UBE3A: variants seen among roughly 807,000 people sequenced by gnomAD.
UBE3A encodes the protein ubiquitin-protein ligase E3A.
In UBE3A, 6 loss-of-function variants were observed where a neutral mutation model predicts 83.4. That is an observed-to-expected ratio of 0.07 (90% CI 0.04 to 0.14). UBE3A has a LOEUF of 0.14. UBE3A is among the 10% of genes least tolerant of loss of function. The probability of loss-of-function intolerance (pLI) is 1.00; values close to 1 mark genes in which losing one functional copy is unlikely to be tolerated. For missense variants in UBE3A, 456 were observed against 1,036.1 expected (o/e 0.44, Z 7.69); for synonymous variants, 337 against 355.4 (o/e 0.95, Z 0.58).
chr15:25,379,666 T>C (rs1416843237), intron 4 of UBE3A, among the ~76,000 whole-genome samples: 1 of 152,154 alleles, frequency 6.6e-6, no homozygotes, highest in Non-Finnish European at 1.5e-5. Context: ...GGCCTCTACG[T>C]TGGAAAAGTA....
At chr15:25,343,475 G>GAAAT (rs1376559778) in intron 11 of UBE3A, among the ~76,000 whole-genome samples, 1 of 152,196 alleles carries the variant, frequency 6.6e-6, no homozygotes, top group East Asian at 1.9e-4. Flanking sequence ...GGTAACTTTG[G>GAAAT]AAATAAAGGC....
In UBE3A at chr15:25,370,756, G is replaced by C. The variant is rs762637018; in HGVS notation, c.1418C>G (p.Ser473Cys). The change falls in exon 6 of 13, where the codon TCT becomes TGT. Residue 473 changes from serine to cysteine, a missense_variant. This residue lies in a region of UBE3A where 58 missense variants were observed against 237.1 expected (regional missense o/e 0.24). Transcript: ENST00000648336. This position sits in a 1 kb window ranked among gnomAD's most constrained non-coding sequence, Gnocchi z 4.2. Reference sequence around the variant, plus strand: ...CAATATAAAGGGACATGTCATAAAAGAGAATTTGTTCTCTGTTTCTACTTT... The same window carrying C: ...CAATATAAAGGGACATGTCATAAAACAGAATTTGTTCTCTGTTTCTACTTT... ...FFKVETENKF[S>C]FMTCPFILNA... The C allele has an allele frequency of 1.9e-6, 3 of 1,614,066 alleles. No individual in the cohort carries two copies. Among genetic ancestry groups the C allele is most frequent in the Non-Finnish European group, 2.5e-6 (3 of 1,179,990 alleles).
intron 9 of UBE3A, 148 bp downstream of exon 9, chr15:25,355,744 A>C (rs1023615202): frequency 2.5e-6 from 2 of 805,432 alleles, no homozygotes; most frequent in Non-Finnish European, 3.9e-6. Context: ...TCCAAGATTT[A>C]GAAAAGTGGA....
chr15:25,375,467 T>C lies in UBE3A; in HGVS notation c.359A>G (p.Lys120Arg). 6.2e-7 allele frequency: 1 copy of C among 1,614,004 alleles called. No homozygotes were observed. Among genetic ancestry groups the C allele is most frequent in the Non-Finnish European group, 8.5e-7 (1 of 1,180,016 alleles). Reference sequence around the variant, plus strand: ...CAATTGAAAATAAAACATCTTACCTTTAAAATCAATTCTAGCGCCTTTCTT... The same window carrying C: ...CAATTGAAAATAAAACATCTTACCTCTAAAATCAATTCTAGCGCCTTTCTT... The part of the protein sequence containing the change: ...MNKKGARIDF[K>R]DVTYLTEEKV... The change falls in exon 5 of 13, where the codon AAA becomes AGA. Residue 120 changes from lysine to arginine, a missense_variant and splice_region_variant. This residue lies in a region of UBE3A where 34 missense variants were observed against 79.1 expected (regional missense o/e 0.43). Transcript: ENST00000648336.
chr15:25,356,724 T>C lies in UBE3A; in HGVS notation c.1926A>G (p.Lys642=), dbSNP rs775589140. 8.1e-6 allele frequency: 13 copies of C among 1,613,436 alleles called. No homozygotes were observed. In the South Asian group the frequency reaches 8.8e-5, roughly 11 times the overall value. Residue 642 remains lysine (K), a synonymous_variant, in exon 8 of 13, where the codon AAA becomes AAG. Coordinates refer to ENST00000648336, the MANE Select transcript of UBE3A (RefSeq NM_130839.5). ...MVVYRKLMGK[K]GTFRDLGDSH... ...AGTCTCCCAAGTCACGAAAAGTTCC[T>C]TTTTTCCCCATTAGCTTCCTGTAGA...
intron 4 of UBE3A, among the ~76,000 whole-genome samples, chr15:25,377,976 G>C (rs1326727059): frequency 3.1e-5 from 4 of 130,946 alleles, no homozygotes; most frequent in Non-Finnish European, 6.4e-5. Context: ...ATGTGATTAA[G>C]TGAGTTTTAA....
At chr15:25,422,442 CAA>C (rs1890103118) in intron 1 of UBE3A, among the ~76,000 whole-genome samples, 1 of 151,748 alleles carries the variant, frequency 6.6e-6, no homozygotes, top group Non-Finnish European at 1.5e-5. Flanking sequence ...TGATTTTTTT[CAA>C]AGTTTGTGAG....
At chr15:25,365,477 G>A (rs1256908084) in intron 6 of UBE3A, among the ~76,000 whole-genome samples, 1 of 151,942 alleles carries the variant, frequency 6.6e-6, no homozygotes, top group Non-Finnish European at 1.5e-5. Context: ...GGCCGGGCGT[G>A]GTGGCTCATG....
chr15:25,358,801 G>A (rs886075354), intron 7 of UBE3A, among the ~76,000 whole-genome samples: 5 of 152,096 alleles, frequency 3.3e-5, no homozygotes, highest in Non-Finnish European at 5.9e-5. Context: ...TCATATTTGA[G>A]TTTCATGGTT....
At chr15:25,424,806 A>G (rs1324350035) in intron 1 of UBE3A, among the ~76,000 whole-genome samples, 1 of 152,236 alleles carries the variant, frequency 6.6e-6, no homozygotes, top group Non-Finnish European at 1.5e-5. Context: ...ATAAATTTTT[A>G]AAGTAATAAG....
At chr15:25,372,604 G>T (rs1031673450) in intron 5 of UBE3A, among the ~76,000 whole-genome samples, 1 of 152,170 alleles carries the variant, frequency 6.6e-6, no homozygotes, top group Non-Finnish European at 1.5e-5. Context: ...CCAACTTTTT[G>T]AGATAAGTGT....
intron 11 of UBE3A, among the ~76,000 whole-genome samples, chr15:25,343,181 C>A (rs531324908): frequency 6.6e-6 from 1 of 152,090 alleles, no homozygotes; most frequent in Non-Finnish European, 1.5e-5. Flanking sequence ...AAAGTAACAT[C>A]TGTTATAGAA....
chr15:25,378,197 C>A (rs184621992), intron 4 of UBE3A, among the ~76,000 whole-genome samples: 10 of 152,132 alleles, frequency 6.6e-5, no homozygotes, highest in Admixed American at 3.9e-4. Context: ...TTAATGTGAG[C>A]TTTTATACTA....
intron 1 of UBE3A, among the ~76,000 whole-genome samples, chr15:25,427,797 A>G (rs1335110976): frequency 0.14 from 234 of 1,694 alleles, no homozygotes; most frequent in East Asian, 0.33. Context: ...GTCTCCTGGA[A>G]AAAAAAAAAA....
rs1001721206 is a variant in UBE3A at position 25,337,795 on chromosome 15, T to C, written c.*1342A>G. 9 of 152,150 alleles carry C rather than the reference T, an allele frequency of 5.9e-5. 1 individual carries two copies. Among genetic ancestry groups the C allele is most frequent in the Admixed American group, 5.2e-4 (8 of 15,276 alleles). 9.4% of individuals were successfully genotyped at this position (152,150 alleles called of 1,614,324 possible). On this transcript the variant is annotated 3_prime_UTR_variant, in exon 13 of 13. Transcript: ENST00000648336. ...TAGTTAAAAATACATAATCCTTTTA[T>C]TTTATAATGCAATAAAAGAAATTAA...
intron 6 of UBE3A, among the ~76,000 whole-genome samples, chr15:25,368,296 T>TA (rs1437477851): frequency 6.6e-6 from 1 of 152,138 alleles, no homozygotes; most frequent in African/African-American, 2.4e-5. Flanking sequence ...TGTGAATACT[T>TA]ACTTCAAAAA....
intron 4 of UBE3A, among the ~76,000 whole-genome samples, chr15:25,404,483 T>C (rs181216861): frequency 6.6e-6 from 1 of 152,234 alleles, no homozygotes; most frequent in African/African-American, 2.4e-5. Flanking sequence ...GAAACATCTT[T>C]AGTCTTCACA....
intron 4 of UBE3A, among the ~76,000 whole-genome samples, chr15:25,384,564 T>C (rs562131736): frequency 6.6e-6 from 1 of 152,126 alleles, no homozygotes; most frequent in African/African-American, 2.4e-5. Context: ...TTGGAAGATT[T>C]AGTACTGTTA....
chr15:25,359,317 G>A (rs564053483), intron 7 of UBE3A, among the ~76,000 whole-genome samples: 11 of 152,176 alleles, frequency 7.2e-5, no homozygotes, highest in Admixed American at 3.3e-4. Flanking sequence ...CAAAAAGGGC[G>A]TCGTCTTATG....
Sources: gnomAD v4.1 joint callset for allele counts (sites outside exome capture counted in the v4.1 genomes callset) on GRCh38, gnomAD v4.1.1 for gene constraint, gnomAD v4.1.1 regional missense constraint, Gnocchi (gnomAD v3.1) non-coding constraint, MANE v1.5 for transcripts, NCBI Gene and HGNC (gene_info 2026-07-23, HGNC 2026-07-21) for gene names.